Variants in ARL15 observed in about 807,000 individuals in gnomAD.
The protein encoded by ARL15 is ADP-ribosylation factor-like protein 15.
ARL15 carries 19 observed loss-of-function variants against 25.2 expected under a neutral mutation model. That is an observed-to-expected ratio of 0.75 (90% confidence interval 0.53 to 1.10). The LOEUF is 1.10. Among genes scored for constraint, ARL15 ranks in the 50% least tolerant of loss-of-function variants. The probability of loss-of-function intolerance (pLI) is 0.00; values close to 1 mark genes in which losing one functional copy is unlikely to be tolerated. For synonymous variants in ARL15, 94 were observed against 86.8 expected (o/e 1.08, Z -0.46); for missense variants, 220 against 246.0 (o/e 0.89, Z 0.71).
chr5:53,992,795 TCACGCCTGTAATCTCAG>T (rs1244427165), intron 4 of ARL15, among the ~76,000 whole-genome samples: 3 of 152,194 alleles, frequency 2.0e-5, no homozygotes, highest in African/African-American at 7.2e-5. Context: ...CCACAGTGGC[TCACGCCTGTAATCTCAG>T]CACTTTGGGA....
intron 1 of ARL15, among the ~76,000 whole-genome samples, chr5:54,289,912 A>G (rs1244312133): frequency 6.6e-6 from 1 of 152,196 alleles, no homozygotes; most frequent in African/African-American, 2.4e-5. Flanking sequence ...TCCTCTAAGC[A>G]TTTGCATAAT....
At chr5:54,070,296 G>T (rs1751378598) in intron 4 of ARL15, among the ~76,000 whole-genome samples, 1 of 151,954 alleles carries the variant, frequency 6.6e-6, no homozygotes, top group Non-Finnish European at 1.5e-5. Flanking sequence ...GGAGGCTGAG[G>T]CAGGAGAATG....
At chr5:53,923,814 G>T (rs1054664025) in intron 4 of ARL15, among the ~76,000 whole-genome samples, 1 of 152,038 alleles carries the variant, frequency 6.6e-6, no homozygotes, top group Non-Finnish European at 1.5e-5. Flanking sequence ...GCAGTGAGCC[G>T]AGGTTGCGCC....
At chr5:53,979,422 C>T (rs1317476902) in intron 4 of ARL15, among the ~76,000 whole-genome samples, 3 of 151,878 alleles carry the variant, frequency 2.0e-5, no homozygotes, top group Non-Finnish European at 4.4e-5. Flanking sequence ...GCCTGTAGTC[C>T]CAGCTACTTG....
chr5:54,055,319 A>G (rs156839), intron 4 of ARL15, among the ~76,000 whole-genome samples: 52,399 of 143,388 alleles, frequency 0.37, 11,112 homozygotes, highest in Admixed American at 0.48. Context: ...AGGTTCATCC[A>G]TGTTGTAACA....
At chr5:54,071,991 A>G (rs1453300945) in intron 4 of ARL15, among the ~76,000 whole-genome samples, 2 of 151,608 alleles carry the variant, frequency 1.3e-5, no homozygotes, top group Non-Finnish European at 2.9e-5. Flanking sequence ...AAAAAAAAAA[A>G]AAAAGAAAAA....
chr5:54,163,934 G>A (rs896104149), intron 2 of ARL15, among the ~76,000 whole-genome samples: 6 of 151,620 alleles, frequency 4.0e-5, no homozygotes, highest in African/African-American at 1.5e-4. Flanking sequence ...TGCTTATTTG[G>A]GTTTAATCCA....
rs909012245 is a variant in ARL15 at position 54,067,464 on chromosome 5, G to A, written c.462+45738C>T. The stretch of plus-strand genomic sequence containing the variant: ...GAAAGAAAGGAAATCTGAAAGCTGT[G>A]TATATACTCATCTTTTTCTTCATTT... On this transcript the variant is annotated intron_variant, in intron 4 of 4. Coordinates refer to ENST00000504924, the MANE Select transcript of ARL15 (RefSeq NM_019087.3). Among the ~76,000 whole-genome samples, 3 of 152,248 alleles carry A rather than the reference G, an allele frequency of 2.0e-5. No individual in the cohort carries two copies. The East Asian group carries it at 5.8e-4, about 29-fold the overall frequency.
rs1303232010 is a variant in ARL15, at chr5:53,908,669, A to G, written c.463-21956T>C. On this transcript the variant is annotated intron_variant, in intron 4 of 4. Transcript: ENST00000504924. The stretch of plus-strand genomic sequence containing the variant: ...ATCCTCCGTCAATAAGGGGTGATCC[A>G]CTTGTATTCAGATTTTCAAAATGTT... 2.6e-5 allele frequency among the ~76,000 whole-genome samples: 4 copies of G among 152,308 alleles called. No homozygotes were observed. In the East Asian group the frequency reaches 7.7e-4, roughly 29 times the overall value.
chr5:53,977,296 C>CA lies in ARL15; in HGVS notation c.463-90584_463-90583insT, dbSNP rs1342069866. Reference sequence around the variant, plus strand: ...GCGTGAACCCGGGAGGCGGAGCTTGCGTGAGCCGAGATCGCGCCACTGCAC... The same window carrying CA: ...GCGTGAACCCGGGAGGCGGAGCTTGCAGTGAGCCGAGATCGCGCCACTGCAC... On this transcript the variant is annotated intron_variant, in intron 4 of 4. Transcript: ENST00000504924. Among the ~76,000 whole-genome samples, 5 of 143,686 alleles carry CA rather than the reference C, an allele frequency of 3.5e-5. No homozygotes were observed. The East Asian group carries it at 8.5e-4, about 24-fold the overall frequency. The allele number at this position is 143,686 out of a possible 152,430, so 94.3% of individuals were successfully genotyped here.
intron 1 of ARL15, among the ~76,000 whole-genome samples, chr5:54,305,975 C>G (rs1319116394): frequency 2.6e-5 from 4 of 152,102 alleles, no homozygotes; most frequent in Non-Finnish European, 5.9e-5. Context: ...ATAAAACACA[C>G]AAAATGAGAG....
chr5:54,296,192 G>A (rs753578264), intron 1 of ARL15, among the ~76,000 whole-genome samples: 1 of 152,210 alleles, frequency 6.6e-6, no homozygotes, highest in Non-Finnish European at 1.5e-5. Flanking sequence ...GCAGAGGCAG[G>A]GAGATTTTTG....
intron 4 of ARL15, among the ~76,000 whole-genome samples, chr5:53,992,306 TTAAA>T (rs57140251): frequency 0.22 from 33,411 of 151,990 alleles, 3,857 homozygotes; most frequent in East Asian, 0.46. Context: ...AACTACAAGT[TTAAA>T]TAAAGACAAG....
At chr5:54,246,014 C>T (rs956045664) in intron 1 of ARL15, among the ~76,000 whole-genome samples, 3 of 152,136 alleles carry the variant, frequency 2.0e-5, no homozygotes, top group Non-Finnish European at 2.9e-5. Context: ...TTTGTCAGTT[C>T]TTCATTGTAT....
chr5:53,898,202 C>G (rs1365935299), intron 4 of ARL15, among the ~76,000 whole-genome samples: 1 of 152,108 alleles, frequency 6.6e-6, no homozygotes, highest in Non-Finnish European at 1.5e-5. Context: ...CAGTTCAAAC[C>G]CATGTTGTTC....
At chr5:54,304,254 A>C (rs986868655) in intron 1 of ARL15, among the ~76,000 whole-genome samples, 4 of 152,238 alleles carry the variant, frequency 2.6e-5, no homozygotes, top group Non-Finnish European at 5.9e-5. Flanking sequence ...GCGCAGTTCA[A>C]CTACTTGCTA....
intron 4 of ARL15, among the ~76,000 whole-genome samples, chr5:53,907,478 ATATATATATATTTTTTT>A (rs1745293401): frequency 3.8e-5 from 1 of 26,496 alleles, no homozygotes; most frequent in Non-Finnish European, 6.9e-5. Context: ...ATATATATAT[ATATATATATATTTTTTT>A]TTTTTTTTTT....
At chr5:54,025,749 G>A (rs1351008969) in intron 4 of ARL15, among the ~76,000 whole-genome samples, 1 of 152,090 alleles carries the variant, frequency 6.6e-6, no homozygotes, top group East Asian at 1.9e-4. Context: ...GACCAGGAAG[G>A]GATTTTGAAT....
intron 4 of ARL15, among the ~76,000 whole-genome samples, chr5:54,070,752 C>T (rs527894695): frequency 2.6e-5 from 4 of 151,330 alleles, no homozygotes; most frequent in Non-Finnish European, 4.4e-5. Context: ...GGCTGAGGTA[C>T]GAGAATCACA....
Sources: gnomAD v4.1 joint callset for allele counts (sites outside exome capture counted in the v4.1 genomes callset) on GRCh38, gnomAD v4.1.1 for gene constraint, MANE v1.5 for transcripts, NCBI Gene and HGNC (gene_info 2026-07-23, HGNC 2026-07-21) for gene names.